Variants in ARHGAP36 observed in about 807,000 individuals in gnomAD.
ARHGAP36 encodes rho GTPase-activating protein 36.
A neutral mutation model predicts 32.9 loss-of-function variants in ARHGAP36; 7 were observed. The ratio of observed to expected loss-of-function variants is 0.21; its 90% CI spans 0.12 to 0.40. The LOEUF (loss-of-function observed/expected upper bound fraction) is 0.40, where lower values mean the gene tolerates loss of function less well. ARHGAP36 is among the 10% of genes least tolerant of loss of function. ARHGAP36 has a pLI of 1.00. For missense variants in ARHGAP36, 383 were observed against 442.2 expected, an observed-to-expected ratio of 0.87 and a Z score of 1.20; for synonymous variants, 165 against 168.3, an observed-to-expected ratio of 0.98 and a Z score of 0.15.
intron 1 of ARHGAP36, among the ~76,000 whole-genome samples, chrX:131,064,666 A>G (rs2079687726): frequency 9.0e-6 from 1 of 111,292 alleles, no homozygotes; most frequent in South Asian, 3.8e-4. Context: ...TCCCAAGATC[A>G]CACAGCAAGT....
rs35681413 is a variant in ARHGAP36 at position 131,065,041 on chromosome X, T to TTG, written c.-143+6623_-143+6624dup. Among the ~76,000 whole-genome samples the TTG allele has an allele frequency of 1.2e-3, 123 of 103,389 alleles. 1 individual carries two copies. The highest frequency in any genetic ancestry group is 3.5e-3 in the Admixed American group (33 of 9,477). 89.8% of individuals were successfully genotyped at this position (103,389 alleles called of 115,157 possible). A position where few individuals can be genotyped will look rare whatever the true frequency, so the allele number is the denominator to read the frequency against. On this transcript the variant is annotated intron_variant, in intron 1 of 11. Transcript: ENST00000276211. ...AAGCTCCAAGGAAGTGTGTGTGTGT[T>TTG]TGTGTGTGTGTGTGTGTGTGTGTGT...
At chrX:131,075,621 A>ATG (rs764591310) in intron 1 of ARHGAP36, among the ~76,000 whole-genome samples, 1,531 of 28,337 alleles carry the variant, frequency 0.054, 44 homozygotes, top group Admixed American at 0.28. Context: ...GTGTGTATAT[A>ATG]TATGTGTGTG....
intron 2 of ARHGAP36, among the ~76,000 whole-genome samples, chrX:131,082,928 G>C (rs1214842249): frequency 8.8e-6 from 1 of 113,350 alleles, no homozygotes; most frequent in Non-Finnish European, 1.9e-5. Flanking sequence ...CGCACGCGGC[G>C]CATTAGATTG....
chrX:131,088,009 C>A (rs1171940389), intron 11 of ARHGAP36, among the ~76,000 whole-genome samples: 1 of 112,556 alleles, frequency 8.9e-6, no homozygotes, highest in East Asian at 2.8e-4. Flanking sequence ...ACCTGGCTGT[C>A]AATCTTGAAG....
chrX:131,086,110 C>G (rs781636597), intron 9 of ARHGAP36, 21 bp downstream of exon 9: 5 of 1,203,355 alleles, frequency 4.2e-6, no homozygotes, highest in African/African-American at 3.5e-5. Context: ...GTTTTGGATG[C>G]ACTTGTTTTA....
chrX:131,065,584 C>T (rs2079693975), intron 1 of ARHGAP36, among the ~76,000 whole-genome samples: 1 of 111,109 alleles, frequency 9.0e-6, no homozygotes, highest in South Asian at 3.9e-4. Flanking sequence ...GCCTGAACAC[C>T]TTGTATGGAT....
chrX:131,083,610 G>C, intron 3 of ARHGAP36, 124 bp from the exon 4 acceptor site: 2 of 685,340 alleles, frequency 2.9e-6, no homozygotes, highest in South Asian at 2.5e-5. Flanking sequence ...GGGGCGCTGC[G>C]GTTCTGGAGA....
rs1230562244 is a variant in ARHGAP36, at chrX:131,089,402, T to C, written c.*617T>C. The C allele has an allele frequency of 8.8e-6, 1 of 113,083 alleles. No individual in the cohort carries two copies. Among genetic ancestry groups the C allele is most frequent in the East Asian group, 2.8e-4 (1 of 3,601 alleles). 9.3% of individuals were successfully genotyped at this position (113,083 alleles called of 1,213,427 possible). A position where few individuals can be genotyped will look rare whatever the true frequency, so the allele number is the denominator to read the frequency against. ...CCAAATGGCCTCTCCCAAAATTCTG[T>C]ACAGTTTTGCTCAGGTCACGCCAAC... On this transcript the variant is annotated 3_prime_UTR_variant, in exon 12 of 12. Transcript: ENST00000276211.
rs1450266314 is a variant in ARHGAP36 at position 131,070,010 on chromosome X, A to G, written c.-142-11514A>G. ...GTCCTGGGTGAAATCCCTAGGAAAC[A>G]TTGAGACTCGAGGGTACATGAGGAG... On this transcript the variant is annotated intron_variant, in intron 1 of 11. Coordinates refer to ENST00000276211, the MANE Select transcript of ARHGAP36 (RefSeq NM_144967.4). 2.7e-5 allele frequency among the ~76,000 whole-genome samples: 3 copies of G among 112,515 alleles called. No homozygotes were observed. The East Asian group carries it at 8.3e-4, about 31-fold the overall frequency.
At position 131,084,968 on chromosome X, in the gene ARHGAP36, G is replaced by A; in HGVS notation, c.859G>A (p.Val287Met). 8.3e-7 allele frequency: 1 copy of A among 1,211,876 alleles called. No individual in the cohort carries two copies. The highest frequency in any genetic ancestry group is 1.8e-5 in the South Asian group (1 of 56,980). The part of the protein sequence containing the change: ...LDVVLDDNQN[V>M]HDVAALLKEF... The stretch of plus-strand genomic sequence containing the variant: ...TGTAGTGCTGGATGACAATCAGAAT[G>A]TGCATGATGTGGCTGCACTCCTCAA... Residue 287 changes from valine (V) to methionine (M), a missense_variant, in exon 7 of 12, where the codon GTG becomes ATG. This residue lies in a region of ARHGAP36 where 227 missense variants were observed against 311.3 expected (regional missense o/e 0.73). Transcript: ENST00000276211.
intron 1 of ARHGAP36, among the ~76,000 whole-genome samples, chrX:131,071,345 G>A (rs1167052447): frequency 2.7e-5 from 3 of 110,959 alleles, no homozygotes; most frequent in Non-Finnish European, 5.7e-5. Context: ...GGAGGAGAGG[G>A]AGAGGTCCTC....
Position 131,088,637 on chromosome X carries a change from A to G in ARHGAP36, c.1496A>G (p.Glu499Gly). The change falls in exon 12 of 12, where the codon GAG becomes GGG. Residue 499 changes from glutamate (E) to glycine (G), a missense_variant. Physicochemically the swap from Glu to Gly is moderately conservative, Grantham distance 98. Coordinates refer to ENST00000276211, the MANE Select transcript of ARHGAP36 (RefSeq NM_144967.4). Reference sequence around the variant, plus strand: ...TGTTACTATTTTTCAGGTTCCTCTGAGGAGCCAGCTGTGCCTTCCGGCACT... The same window carrying G: ...TGTTACTATTTTTCAGGTTCCTCTGGGGAGCCAGCTGTGCCTTCCGGCACT... The part of the protein sequence containing the change: ...QSKPSDEGSS[E>G]EPAVPSGTAR... 2.5e-6 allele frequency: 3 copies of G among 1,209,595 alleles called. No individual in the cohort carries two copies. Among genetic ancestry groups the G allele is most frequent in the African/African-American group, 3.5e-5 (2 of 57,789 alleles).
intron 7 of ARHGAP36, among the ~76,000 whole-genome samples, 171 bp downstream of exon 7, chrX:131,085,235 A>T (rs1303892616): frequency 9.0e-6 from 1 of 111,553 alleles, no homozygotes; most frequent in Non-Finnish European, 1.9e-5. Context: ...TGTCAATTAA[A>T]AATAAAATTT....
At chrX:131,063,290 T>C (rs5977409) in intron 1 of ARHGAP36, among the ~76,000 whole-genome samples, 9,401 of 111,369 alleles carry the variant, frequency 0.084, 605 homozygotes, top group African/African-American at 0.22. Context: ...GGATGAGTAC[T>C]CAATACTCAG....
At chrX:131,082,469 G>T (rs1018514959) in intron 2 of ARHGAP36, among the ~76,000 whole-genome samples, 2 of 112,712 alleles carry the variant, frequency 1.8e-5, no homozygotes, top group Non-Finnish European at 3.8e-5. Flanking sequence ...AGCAGGACGC[G>T]GCGCAGGACG....
chrX:131,058,961 T>G, intron 1 of ARHGAP36, among the ~76,000 whole-genome samples: 1 of 112,406 alleles, frequency 8.9e-6, no homozygotes, highest in East Asian at 2.8e-4. Flanking sequence ...ACACTGAAGA[T>G]GGGAAAAGCC....
intron 1 of ARHGAP36, among the ~76,000 whole-genome samples, chrX:131,068,516 C>T (rs1461219607): frequency 9.0e-6 from 1 of 111,707 alleles, no homozygotes; most frequent in African/African-American, 3.3e-5. Context: ...CGAGCTGGCG[C>T]GAGGTCTCCG....
chrX:131,086,037 C>T lies in ARHGAP36; in HGVS notation c.1229C>T (p.Ala410Val). 5.0e-6 allele frequency: 6 copies of T among 1,211,707 alleles called. No homozygotes were observed. Among genetic ancestry groups the T allele is most frequent in the Non-Finnish European group, 6.7e-6 (6 of 895,546 alleles). The change falls in exon 9 of 12, where the codon GCT becomes GTT. Residue 410 changes from alanine to valine, a missense_variant. Ala to Val is a moderately conservative substitution (Grantham distance 64). Around this residue, in one of 2 missense-constraint regions of ARHGAP36, gnomAD observed 227 missense variants for 311.3 expected, o/e 0.73. Transcript: ENST00000276211. The stretch of plus-strand genomic sequence containing the variant: ...AAGCTGGGGATTGATCACTATGTTG[C>T]TTCTGTCAATGTGGTCCGTGCCATG... ...KTKLGIDHYV[A>V]SVNVVRAMID...
intron 1 of ARHGAP36, among the ~76,000 whole-genome samples, chrX:131,070,503 G>A (rs1447071811): frequency 8.9e-6 from 1 of 111,741 alleles, no homozygotes; most frequent in East Asian, 2.8e-4. Flanking sequence ...CCCAAGGATA[G>A]CATTGGCACA....
Sources: gnomAD v4.1 joint callset for allele counts (sites outside exome capture counted in the v4.1 genomes callset) on GRCh38, gnomAD v4.1.1 for gene constraint, gnomAD v4.1.1 regional missense constraint, MANE v1.5 for transcripts, NCBI Gene and HGNC (gene_info 2026-07-23, HGNC 2026-07-21) for gene names.